Variants in PDE6A observed in about 807,000 individuals in gnomAD.
PDE6A encodes rod cGMP-specific 3',5'-cyclic phosphodiesterase subunit alpha.
Under a neutral mutation model 106.3 loss-of-function variants are expected in PDE6A, and 84 were observed. The ratio of observed to expected loss-of-function variants is 0.79; its 90% confidence interval spans 0.66 to 0.95. PDE6A has a LOEUF of 0.95. Among genes scored for constraint, PDE6A ranks in the 40% least tolerant of loss-of-function variants. PDE6A has a pLI of 0.00. For missense variants in PDE6A, 1,052 were observed against 1,084.9 expected, an observed-to-expected ratio of 0.97 and a Z score of 0.43; for synonymous variants, 394 against 386.6, an observed-to-expected ratio of 1.02 and a Z score of -0.23.
chr5:149,931,116 C>G lies in PDE6A; in HGVS notation c.770G>C (p.Arg257Pro). 5.0e-6 allele frequency: 8 copies of G among 1,614,086 alleles called. No homozygotes were observed. Among genetic ancestry groups the G allele is most frequent in the Non-Finnish European group, 6.8e-6 (8 of 1,179,972 alleles). ...KVFEELTDIE[R>P]QFHKALYTVR... The stretch of plus-strand genomic sequence containing the variant: ...TGTGTACAGGGCTTTGTGGAACTGT[C>G]GTTCGATGTCCGTAAGTTCTTCAAA... Residue 257 changes from arginine (R) to proline (P), a missense_variant, in exon 4 of 22, where the codon CGA becomes CCA. Physicochemically the swap from Arg to Pro is moderately radical, Grantham distance 103 (BLOSUM62 -2). Around this residue, in one of 3 missense-constraint regions of PDE6A, gnomAD observed 913 missense variants for 915.2 expected, o/e 1.00. Transcript: ENST00000255266.
chr5:149,924,303 T>C (rs1307032838), intron 4 of PDE6A, among the ~76,000 whole-genome samples: 2 of 152,092 alleles, frequency 1.3e-5, no homozygotes, highest in Admixed American at 1.3e-4. Flanking sequence ...ACACCTCATG[T>C]GGGCCAAACA....
At chr5:149,942,576 G>C (rs771749794) in intron 1 of PDE6A, among the ~76,000 whole-genome samples, 4 of 152,082 alleles carry the variant, frequency 2.6e-5, no homozygotes, top group Non-Finnish European at 5.9e-5. Context: ...TCTAGAGAAA[G>C]AGCAGTGGGC....
intron 4 of PDE6A, among the ~76,000 whole-genome samples, chr5:149,923,136 G>C (rs988377030): frequency 6.6e-6 from 1 of 152,146 alleles, no homozygotes; most frequent in Non-Finnish European, 1.5e-5. Flanking sequence ...ACCTCTTCTG[G>C]TTTTGAAGGT....
At chr5:149,862,076 C>T (rs1454668143) in intron 21 of PDE6A, among the ~76,000 whole-genome samples, 1 of 152,156 alleles carries the variant, frequency 6.6e-6, no homozygotes. Context: ...GAGGCCCTGA[C>T]ATTTTCCATG....
chr5:149,898,492 A>T lies in PDE6A; in HGVS notation c.1278T>A (p.Phe426Leu). Reference sequence around the variant, plus strand: ...CAGGATTTAAGACAGACCAGCCCAGAAATTGAGTCAAAGACTGAAAAAGAA... The same window carrying T: ...CAGGATTTAAGACAGACCAGCCCAGTAATTGAGTCAAAGACTGAAAAAGAA... ...DETLMESLTQ[F>L]LGWSVLNPDT... The change falls in exon 10 of 22, where the codon TTT (phenylalanine) becomes TTA (leucine). Residue 426 changes from phenylalanine (F) to leucine (L), a missense_variant. By Grantham distance (22) the Phe-to-Leu change is conservative. Around this residue, in one of 3 missense-constraint regions of PDE6A, gnomAD observed 913 missense variants for 915.2 expected, o/e 1.00. Transcript: ENST00000255266. 6.2e-7 allele frequency: 1 copy of T among 1,613,564 alleles called. No individual in the cohort carries two copies. Among genetic ancestry groups the T allele is most frequent in the Non-Finnish European group, 8.5e-7 (1 of 1,179,970 alleles).
At chr5:149,900,509 A>G (rs1752938507) in intron 8 of PDE6A, among the ~76,000 whole-genome samples, 1 of 151,138 alleles carries the variant, frequency 6.6e-6, no homozygotes, top group African/African-American at 2.4e-5. Context: ...GTAAACCAGC[A>G]ATTACACTGC....
In PDE6A at chr5:149,896,298, A is replaced by G. The variant is rs112427591; in HGVS notation, c.1620+58T>C. On this transcript the variant is annotated intron_variant, in intron 12 of 21. Transcript: ENST00000255266. ...AGTTTACAGATTGAGTCTTTTTTTT[A>G]AAGCAAGCAAGAAAGAAAATTAAAA... The G allele has an allele frequency of 1.9e-4, 272 of 1,406,484 alleles. 3 individuals are homozygous for G. In the African/African-American group the frequency reaches 2.9e-3, roughly 15 times the overall value. 87.1% of individuals were successfully genotyped at this position (1,406,484 alleles called of 1,614,324 possible). A position where few individuals can be genotyped will look rare whatever the true frequency, so the allele number is the denominator to read the frequency against.
chr5:149,886,354 G>A lies in PDE6A; in HGVS notation c.1749C>T (p.Tyr583=). ...TGGCCAAGGCCTCTAGGTCCGTGAA[G>A]TAGCGCTTCAGCTTTCCCGTCTGGA... is the stretch of plus-strand genomic sequence containing the variant. ...SLLVTGKLKR[Y]FTDLEALAMV... is the part of the protein sequence containing the mutation. The change falls in exon 14 of 22, where the codon TAC becomes TAT. Residue 583 remains tyrosine (Y), a synonymous_variant. Coordinates refer to ENST00000255266, the MANE Select transcript of PDE6A (RefSeq NM_000440.3). 1 of 1,613,992 alleles carries A rather than the reference G, an allele frequency of 6.2e-7. No individual in the cohort carries two copies. Among genetic ancestry groups the A allele is most frequent in the Non-Finnish European group, 8.5e-7 (1 of 1,179,826 alleles).
intron 12 of PDE6A, among the ~76,000 whole-genome samples, chr5:149,896,146 G>A (rs900509912): frequency 2.0e-5 from 3 of 152,068 alleles, no homozygotes; most frequent in Non-Finnish European, 2.9e-5. Flanking sequence ...AGAAACCAAC[G>A]CACCCAAAAC....
chr5:149,928,231 ATTT>A (rs1165259453), intron 4 of PDE6A, among the ~76,000 whole-genome samples: 1 of 19,754 alleles, frequency 5.1e-5, no homozygotes, highest in Non-Finnish European at 8.3e-5. Flanking sequence ...ATATATATAT[ATTT>A]TTTTTTTTTT....
intron 3 of PDE6A, among the ~76,000 whole-genome samples, chr5:149,932,878 C>T (rs1472756836): frequency 6.6e-6 from 1 of 152,248 alleles, no homozygotes; most frequent in Admixed American, 6.5e-5. Context: ...CCAGGGCGCT[C>T]AAGTGGGCGC....
Position 149,863,107 on chromosome 5 carries a change from C to T in PDE6A, c.2506+12G>A, listed in dbSNP as rs201462717. On this transcript the variant is annotated intron_variant, in intron 21 of 21. Transcript: ENST00000255266. The surrounding 1 kb of genome is among the most constrained non-coding windows in gnomAD (Gnocchi z 4.7). Reference sequence around the variant, plus strand: ...GGGGTGGTGGGAGTCCCTGCTTCCCCCTTCCACAAACCTGACTTGGCCGAC... The same window carrying T: ...GGGGTGGTGGGAGTCCCTGCTTCCCTCTTCCACAAACCTGACTTGGCCGAC... 7.2e-5 allele frequency: 117 copies of T among 1,614,226 alleles called. No homozygotes were observed. In the African/African-American group the frequency reaches 1.4e-3, roughly 19 times the overall value.
At chr5:149,927,960 C>T (rs907874803) in intron 4 of PDE6A, among the ~76,000 whole-genome samples, 5 of 151,628 alleles carry the variant, frequency 3.3e-5, no homozygotes, top group Admixed American at 6.6e-5. Flanking sequence ...CCCCCTGGAA[C>T]GTCTTCAGGG....
At chr5:149,920,942 A>AAAAGAAAGAAAGAAAG (rs3049632) in intron 5 of PDE6A, among the ~76,000 whole-genome samples, 11,132 of 108,092 alleles carry the variant, frequency 0.1, 784 homozygotes, top group Non-Finnish European at 0.13. Flanking sequence ...GAAAGAGAGA[A>AAAAGAAAGAAAGAAAG]AAAGAAAGAA....
At chr5:149,932,066 C>A in intron 3 of PDE6A, 1 of 1,459,842 alleles carries the variant, frequency 6.9e-7, no homozygotes, top group Non-Finnish European at 9.6e-7. Context: ...TAATTGAATA[C>A]ACGACCATTT....
chr5:149,903,817 C>T, intron 7 of PDE6A, 122 bp from the exon 8 acceptor site: 1 of 817,534 alleles, frequency 1.2e-6, no homozygotes, highest in Non-Finnish European at 2.2e-6. Context: ...TTCTTTTCAT[C>T]AGGTAGACAT....
Position 149,896,399 on chromosome 5 carries a change from T to A in PDE6A, c.1577A>T (p.Tyr526Phe). ...LELVKCGIQM[Y>F]YELKVVDKFH... is the part of the protein sequence containing the mutation. Reference sequence around the variant, plus strand: ...TTTATCCACCACTTTGAGCTCATAATACATCTGTATTCCACATTTTACCAG... The same window carrying A: ...TTTATCCACCACTTTGAGCTCATAAAACATCTGTATTCCACATTTTACCAG... The change falls in exon 12 of 22, where the codon TAT becomes TTT. Residue 526 changes from tyrosine to phenylalanine, a missense_variant. Physicochemically the swap from Tyr to Phe is conservative, Grantham distance 22. Coordinates refer to ENST00000255266, the MANE Select transcript of PDE6A (RefSeq NM_000440.3). The A allele has an allele frequency of 6.2e-7, 1 of 1,614,158 alleles. No homozygotes were observed.
In PDE6A at chr5:149,888,952, G is replaced by A. The variant is rs571833465; in HGVS notation, c.1729-2578C>T. On this transcript the variant is annotated intron_variant, in intron 13 of 21. Coordinates refer to ENST00000255266, the MANE Select transcript of PDE6A (RefSeq NM_000440.3). Reference sequence around the variant, plus strand: ...CAAAAAATTAGCCAGGCATGGTGGCGGGCGCCTGTAGTCCCAGCTACTCGG... The same window carrying A: ...CAAAAAATTAGCCAGGCATGGTGGCAGGCGCCTGTAGTCCCAGCTACTCGG... 2.5e-3 allele frequency among the ~76,000 whole-genome samples: 381 copies of A among 151,614 alleles called. 3 individuals are homozygous for A. Among genetic ancestry groups the A allele is most frequent in the African/African-American group, 8.7e-3 (360 of 41,284 alleles).
intron 14 of PDE6A, among the ~76,000 whole-genome samples, chr5:149,885,213 T>C (rs865776214): frequency 1.3e-5 from 2 of 152,228 alleles, no homozygotes; most frequent in African/African-American, 4.8e-5. Context: ...GAGCACTTGC[T>C]ATGTGCCACA....
Sources: allele counts gnomAD v4.1 joint callset (sites outside exome capture counted in the v4.1 genomes callset), GRCh38; gene constraint gnomAD v4.1.1; regional missense constraint gnomAD v4.1.1; non-coding constraint Gnocchi (gnomAD v3.1); transcripts MANE v1.5; gene names NCBI Gene and HGNC (gene_info 2026-07-23, HGNC 2026-07-21).